RNF135: variants seen among roughly 807,000 people sequenced by gnomAD.
RNF135 encodes the protein E3 ubiquitin-protein ligase RNF135.
A neutral mutation model predicts 41.9 loss-of-function variants in RNF135; 46 were observed. The ratio of observed to expected loss-of-function variants is 1.10; its 90% CI spans 0.87 to 1.40. The LOEUF (loss-of-function observed/expected upper bound fraction) is 1.40, where lower values mean the gene tolerates loss of function less well. Ranked by LOEUF, RNF135 falls within the 40% of genes most tolerant of loss-of-function variation. The pLI, the probability that RNF135 is intolerant of heterozygous loss-of-function variation, is 0.00. For missense variants in RNF135, 539 were observed against 549.8 expected (o/e 0.98, Z 0.20); for synonymous variants, 238 against 223.8 (o/e 1.06, Z -0.57).
Position 30,979,605 on chromosome 17 carries a change from C to T in RNF135, c.373-5012C>T, listed in dbSNP as rs901094423. On this transcript the variant is annotated intron_variant, in intron 1 of 4. Coordinates refer to ENST00000328381, the MANE Select transcript of RNF135 (RefSeq NM_032322.4). The stretch of plus-strand genomic sequence containing the variant: ...GGGGCTCCTCACTTCCCAGTAGGGG[C>T]GGCCGGGCAGAGGCGCCCCTCACCT... Among the ~76,000 whole-genome samples, 19 of 108,776 alleles carry T rather than the reference C, an allele frequency of 1.7e-4. No homozygotes were observed. The East Asian group carries it at 3.8e-3, about 22-fold the overall frequency. 71.4% of individuals were successfully genotyped at this position (108,776 alleles called of 152,430 possible). A position where few individuals can be genotyped will look rare whatever the true frequency, so the allele number is the denominator to read the frequency against.
rs138226232 is a variant in RNF135 at position 30,971,586 on chromosome 17, T to C, written c.372+141T>C. 1,297 of 1,358,172 alleles carry C rather than the reference T, an allele frequency of 9.5e-4. 10 individuals are homozygous for C. The African/African-American group carries it at 0.018, about 19-fold the overall frequency. 84.1% of individuals were successfully genotyped at this position (1,358,172 alleles called of 1,614,324 possible). On this transcript the variant is annotated intron_variant, in intron 1 of 4. Coordinates refer to ENST00000328381, the MANE Select transcript of RNF135 (RefSeq NM_032322.4). ...CAGTCTAAAAGTCGAGTTCCGCTCT[T>C]CGGAGGCACTTTGGAAAGTTCATAA...
chr17:30,964,311 C>T, the RNF135 span, among the ~76,000 whole-genome samples: 1 of 149,394 alleles, frequency 6.7e-6, no homozygotes, highest in Non-Finnish European at 1.5e-5. Flanking sequence ...ATCGCTTGAA[C>T]CCGGGAGGCA....
chr17:30,979,286 G>A (rs1270148781), intron 1 of RNF135: 3 of 137,078 alleles, frequency 2.2e-5, no homozygotes, highest in African/African-American at 8.7e-5. Context: ...CAGGCAGAGG[G>A]GCTCCTCACT....
chr17:30,963,528 C>T, the RNF135 span, among the ~76,000 whole-genome samples: 3 of 151,660 alleles, frequency 2.0e-5, no homozygotes, highest in African/African-American at 4.9e-5. Context: ...GCCGAGATCG[C>T]ACCACTGCAC....
intron 1 of RNF135, among the ~76,000 whole-genome samples, chr17:30,978,438 TCTTA>T (rs1906652912): frequency 6.6e-6 from 1 of 152,228 alleles, no homozygotes; most frequent in Admixed American, 6.5e-5. Flanking sequence ...TTTTGTCTCT[TCTTA>T]CTGTGTATTT....
At chr17:30,962,831 T>C in the RNF135 span, among the ~76,000 whole-genome samples, 1 of 152,214 alleles carries the variant, frequency 6.6e-6, no homozygotes, top group Non-Finnish European at 1.5e-5. Flanking sequence ...TGGTTAGATA[T>C]ATGCTTAATT....
chr17:30,962,156 T>C, the RNF135 span, among the ~76,000 whole-genome samples: 1 of 151,702 alleles, frequency 6.6e-6, no homozygotes, highest in Non-Finnish European at 1.5e-5. Flanking sequence ...TTTCCCGAGA[T>C]GGAGTCTCTC....
At chr17:30,960,358 C>T in the RNF135 span, among the ~76,000 whole-genome samples, 1 of 151,658 alleles carries the variant, frequency 6.6e-6, no homozygotes, top group Admixed American at 6.6e-5. Flanking sequence ...CGCCACTGCA[C>T]TCCAGCCTGG....
intron 2 of RNF135, among the ~76,000 whole-genome samples, chr17:30,986,177 C>T (rs892441481): frequency 2.0e-5 from 3 of 151,602 alleles, no homozygotes; most frequent in African/African-American, 7.3e-5. Flanking sequence ...TTTTCCTTCA[C>T]TGGACTCTCA....
In RNF135 at chr17:30,983,341, A is replaced by T. The variant is rs201176422; in HGVS notation, c.373-1276A>T. ...TGTACATATATATATATATATATAT[A>T]TATATATATATATTTTTTTTTTTTT... On this transcript the variant is annotated intron_variant, in intron 1 of 4. Coordinates refer to ENST00000328381, the MANE Select transcript of RNF135 (RefSeq NM_032322.4). Among the ~76,000 whole-genome samples the T allele has an allele frequency of 1.0e-3, 32 of 31,780 alleles. 2 individuals carry two copies. The highest frequency in any genetic ancestry group is 2.1e-3 in the African/African-American group (20 of 9,540). The allele number at this position is 31,780 out of a possible 152,430, so 20.8% of individuals were successfully genotyped here. A position where few individuals can be genotyped will look rare whatever the true frequency, so the allele number is the denominator to read the frequency against.
intron 1 of RNF135, among the ~76,000 whole-genome samples, chr17:30,981,488 A>G (rs2142698108): frequency 6.6e-6 from 1 of 152,318 alleles, no homozygotes; most frequent in African/African-American, 2.4e-5. Flanking sequence ...AGTTTTCTTA[A>G]ATCAGCTATT....
At chr17:30,966,214 T>G (rs1905539931), upstream of RNF135, among the ~76,000 whole-genome samples, 1 of 152,152 alleles carries the variant, frequency 6.6e-6, no homozygotes, top group African/African-American at 2.4e-5. Context: ...CACGGTTAGC[T>G]TGGCCTACCC....
At chr17:30,994,671 T>C (rs553994780) in intron 3 of RNF135, among the ~76,000 whole-genome samples, 2 of 151,920 alleles carry the variant, frequency 1.3e-5, no homozygotes, top group Non-Finnish European at 2.9e-5. Flanking sequence ...TTCACTCTTG[T>C]TGCCCAGGCT....
At chr17:30,983,347 ATATATATTTTTT>A (rs1182667659) in intron 1 of RNF135, among the ~76,000 whole-genome samples, 1 of 36,864 alleles carries the variant, frequency 2.7e-5, no homozygotes, top group African/African-American at 9.8e-5. Flanking sequence ...ATATATATAT[ATATATATTTTTT>A]TTTTTTTTTT....
At chr17:30,987,882 T>A (rs1907699023) in intron 2 of RNF135, 62 bp from the exon 3 acceptor site, 1 of 1,442,346 alleles carries the variant, frequency 6.9e-7, no homozygotes, top group African/African-American at 1.4e-5. Flanking sequence ...AACTTGAATA[T>A]AATAGTTGAT....
intron 1 of RNF135, among the ~76,000 whole-genome samples, chr17:30,981,927 A>T (rs1378738992): frequency 6.6e-6 from 1 of 152,174 alleles, no homozygotes; most frequent in African/African-American, 2.4e-5. Flanking sequence ...AGCTGCCTGG[A>T]GCTGGAGGTG....
At chr17:30,960,050 T>C in the RNF135 span, among the ~76,000 whole-genome samples, 1 of 151,056 alleles carries the variant, frequency 6.6e-6, no homozygotes, top group Non-Finnish European at 1.5e-5. Context: ...ATTAGCGTTC[T>C]CCAGAGAAAC....
intron 3 of RNF135, among the ~76,000 whole-genome samples, chr17:30,994,262 GGCAGGT>G: frequency 6.6e-6 from 1 of 152,288 alleles, no homozygotes; most frequent in East Asian, 1.9e-4. Context: ...AGGCAGCTCA[GGCAGGT>G]GCAGTGGCTC....
intron 3 of RNF135, among the ~76,000 whole-genome samples, chr17:30,990,262 C>T (rs1259636757): frequency 6.6e-6 from 1 of 152,052 alleles, no homozygotes; most frequent in Non-Finnish European, 1.5e-5. Flanking sequence ...GTGGCTCATG[C>T]CTGTAATCCC....
Sources: gnomAD v4.1 joint callset for allele counts (sites outside exome capture counted in the v4.1 genomes callset) on GRCh38, gnomAD v4.1.1 for gene constraint, MANE v1.5 for transcripts, NCBI Gene and HGNC (gene_info 2026-07-23, HGNC 2026-07-21) for gene names.